LGSN: variants seen among roughly 807,000 people sequenced by gnomAD.
LGSN encodes lengsin, lens protein with glutamine synthetase domain.
LGSN carries 21 observed loss-of-function variants against 19.5 expected under a neutral mutation model. The ratio of observed to expected loss-of-function variants is 1.07; its 90% CI spans 0.76 to 1.55. LGSN has a LOEUF of 1.55. Ranked by LOEUF, LGSN falls within the 40% of genes most tolerant of loss-of-function variation. The pLI is 0.00. For synonymous variants in LGSN, 257 were observed against 215.6 expected (o/e 1.19, Z -1.68); for missense variants, 673 against 608.5 (o/e 1.11, Z -1.12).
At chr6:63,338,365 C>T in the LGSN span, among the ~76,000 whole-genome samples, 1 of 152,162 alleles carries the variant, frequency 6.6e-6, no homozygotes, top group Non-Finnish European at 1.5e-5. Flanking sequence ...CCTGTCTGCT[C>T]TTCAGGCCCT....
the LGSN span, chr6:63,396,749 A>C: frequency 3.3e-5 from 5 of 152,920 alleles, no homozygotes; most frequent in Admixed American, 2.6e-4. Flanking sequence ...GGCTTGTTGG[A>C]AGAGGGTGAG....
At chr6:63,384,786 G>A in the LGSN span, among the ~76,000 whole-genome samples, 1 of 152,160 alleles carries the variant, frequency 6.6e-6, no homozygotes, top group South Asian at 2.1e-4. Context: ...CCAAAGTGCT[G>A]GGATTACAGG....
chr6:63,434,216 A>G, the LGSN span, among the ~76,000 whole-genome samples: 9 of 152,076 alleles, frequency 5.9e-5, no homozygotes, highest in African/African-American at 1.9e-4. Flanking sequence ...ATGTGGGCAG[A>G]TGACCTGAGG....
chr6:63,297,268 A>T (rs1007706611), intron 1 of LGSN, among the ~76,000 whole-genome samples: 2 of 149,632 alleles, frequency 1.3e-5, no homozygotes, highest in East Asian at 4.0e-4. Flanking sequence ...TGAACCCAAG[A>T]GGCAGCCGAG....
At chr6:63,400,342 ACTT>A in the LGSN span, among the ~76,000 whole-genome samples, 7 of 152,176 alleles carry the variant, frequency 4.6e-5, no homozygotes, top group African/African-American at 7.2e-5. Flanking sequence ...TAAGCTGTAA[ACTT>A]CTTCAGGATT....
chr6:63,382,119 C>G, the LGSN span, among the ~76,000 whole-genome samples: 3 of 152,038 alleles, frequency 2.0e-5, no homozygotes, highest in Admixed American at 2.0e-4. Context: ...AAAACAGGAC[C>G]CTTGAATATT....
chr6:63,493,251 A>T, the LGSN span, among the ~76,000 whole-genome samples: 3 of 152,252 alleles, frequency 2.0e-5, no homozygotes, highest in Non-Finnish European at 4.4e-5. Flanking sequence ...AAGTGCTTTC[A>T]TTGTAAAACT....
In LGSN at chr6:63,299,844, G is replaced by A. The variant is rs1199702214; in HGVS notation, c.31-4799C>T. Among the ~76,000 whole-genome samples, 4 of 151,686 alleles carry A rather than the reference G, an allele frequency of 2.6e-5. No individual in the cohort carries two copies. The East Asian group carries it at 7.7e-4, about 29-fold the overall frequency. Reference sequence around the variant, plus strand: ...AATATAATTCAGACTTTTTTTTCTGGGTCTACTGGTCAGAAAGGTTTATGC... The same window carrying A: ...AATATAATTCAGACTTTTTTTTCTGAGTCTACTGGTCAGAAAGGTTTATGC... On this transcript the variant is annotated intron_variant, in intron 1 of 3. Transcript: ENST00000370657.
chr6:63,306,406 A>G (rs1768388096), intron 1 of LGSN, among the ~76,000 whole-genome samples: 1 of 152,210 alleles, frequency 6.6e-6, no homozygotes, highest in Non-Finnish European at 1.5e-5. Flanking sequence ...TTCTTCAATT[A>G]TATATTCTTT....
the LGSN span, among the ~76,000 whole-genome samples, chr6:63,389,057 C>G: frequency 1.3e-5 from 2 of 152,156 alleles, no homozygotes; most frequent in African/African-American, 4.8e-5. Flanking sequence ...AAGAAAAGAG[C>G]TAACCCTTAT....
the LGSN span, among the ~76,000 whole-genome samples, chr6:63,448,058 G>A: frequency 9.0e-3 from 1,365 of 152,184 alleles, 20 homozygotes; most frequent in African/African-American, 0.031. Flanking sequence ...GTATAGTTGT[G>A]CCTCATAAAA....
At chr6:63,336,814 G>A in the LGSN span, among the ~76,000 whole-genome samples, 5 of 151,560 alleles carry the variant, frequency 3.3e-5, no homozygotes, top group African/African-American at 1.2e-4. Context: ...TTTTTAGTAG[G>A]GACTCGAATT....
the LGSN span, among the ~76,000 whole-genome samples, chr6:63,560,481 C>A: frequency 6.6e-6 from 1 of 150,714 alleles, no homozygotes; most frequent in Non-Finnish European, 1.5e-5. Context: ...AGACTCACTG[C>A]AACCTCTGCC....
the LGSN span, among the ~76,000 whole-genome samples, chr6:63,483,767 T>G: frequency 6.6e-6 from 1 of 152,092 alleles, no homozygotes; most frequent in Non-Finnish European, 1.5e-5. Context: ...TGGTCTTCCT[T>G]CTGTATCTCT....
At position 63,280,762 on chromosome 6, in the gene LGSN, A is replaced by G. The variant is rs1767273158; in HGVS notation, c.789T>C (p.Pro263=). The G allele has an allele frequency of 6.2e-7, 1 of 1,614,202 alleles. No individual in the cohort carries two copies. Among genetic ancestry groups the G allele is most frequent in the African/African-American group, 1.3e-5 (1 of 75,072 alleles). The change falls in exon 4 of 4, where the codon CCT becomes CCC. Residue 263 remains proline (P), a synonymous_variant. Transcript: ENST00000370657. ...NVESFSSSTR[P]GQMEISFLPE... is the part of the protein sequence containing the mutation. ...GCAGGAAAGAGATTTCCATCTGACC[A>G]GGCCTGGTAGAGGAGGAAAAACTCT...
intron 2 of LGSN, among the ~76,000 whole-genome samples, chr6:63,288,259 AAATAAATAAAT>A (rs1356770592): frequency 6.5e-4 from 89 of 136,636 alleles, no homozygotes; most frequent in South Asian, 1.2e-3. Context: ...ATAAATAAAT[AAATAAATAAAT>A]AATAATAATA....
At chr6:63,500,837 C>T in the LGSN span, among the ~76,000 whole-genome samples, 1 of 152,116 alleles carries the variant, frequency 6.6e-6, no homozygotes, top group Non-Finnish European at 1.5e-5. Context: ...AAGTGATTCT[C>T]CTGCCTTAGC....
At chr6:63,367,900 T>G in the LGSN span, among the ~76,000 whole-genome samples, 1 of 151,540 alleles carries the variant, frequency 6.6e-6, no homozygotes, top group Non-Finnish European at 1.5e-5. Context: ...ATGAGAACAC[T>G]TGGACACAGG....
chr6:63,390,118 C>CTTTTTTTTTTTTTTTTTTTT, the LGSN span, among the ~76,000 whole-genome samples: 6 of 66,336 alleles, frequency 9.0e-5, no homozygotes, highest in African/African-American at 3.3e-4. Flanking sequence ...TTCTTTCTTT[C>CTTTTTTTTTTTTTTTTTTTT]TTTTTTTTTT....
Sources: allele counts gnomAD v4.1 joint callset (sites outside exome capture counted in the v4.1 genomes callset), GRCh38; gene constraint gnomAD v4.1.1; transcripts MANE v1.5; gene names NCBI Gene and HGNC (gene_info 2026-07-23, HGNC 2026-07-21).